The following FER1L5 variants were observed in gnomAD, a reference collection of about 807,000 sequenced individuals.
FER1L5 encodes fer-1 like family member 5, also known as fer-1-like protein 5.
Under a neutral mutation model 279.9 loss-of-function variants are expected in FER1L5, and 187 were observed. The observed-to-expected ratio is 0.67, with a 90% CI of 0.59 to 0.75. The LOEUF is 0.75. Among genes scored for constraint, FER1L5 ranks in the 30% least tolerant of loss-of-function variants. The pLI, the probability that FER1L5 is intolerant of heterozygous loss-of-function variation, is 0.00. For synonymous variants in FER1L5, 921 were observed against 989.7 expected (o/e 0.93, Z 1.30); for missense variants, 2,091 against 2,594.4 (o/e 0.81, Z 4.21).
intron 30 of FER1L5, 39 bp from the exon 31 acceptor site, chr2:96,692,065 T>C (rs1430397725): frequency 6.5e-7 from 1 of 1,542,228 alleles, no homozygotes; most frequent in Non-Finnish European, 8.7e-7. Flanking sequence ...GCCGCTGGGG[T>C]CCTGGGGCAG....
intron 44 of FER1L5, 34 bp from the exon 45 acceptor site, chr2:96,700,298 C>A (rs747456714): frequency 6.2e-7 from 1 of 1,609,118 alleles, no homozygotes; most frequent in Non-Finnish European, 8.5e-7. Flanking sequence ...CTAATGACCT[C>A]GCAATCCCCT....
intron 19 of FER1L5, among the ~76,000 whole-genome samples, chr2:96,684,031 C>T (rs1311388557): frequency 2.0e-5 from 3 of 152,226 alleles, no homozygotes; most frequent in Admixed American, 6.5e-5. Context: ...GCGTTATGAC[C>T]GCCTGGCTAT....
intron 19 of FER1L5, among the ~76,000 whole-genome samples, chr2:96,684,022 C>T (rs1200504269): frequency 1.3e-5 from 2 of 152,216 alleles, no homozygotes; most frequent in South Asian, 2.1e-4. Flanking sequence ...TAGGCGCCTG[C>T]GTTATGACCG....
intron 18 of FER1L5, 68 bp from the exon 19 acceptor site, chr2:96,673,009 C>G: frequency 6.7e-7 from 1 of 1,494,700 alleles, no homozygotes; most frequent in Non-Finnish European, 9.0e-7. Flanking sequence ...ATCCTTGCCT[C>G]CCTGCCTGTC....
At chr2:96,663,150 CAT>C (rs1198805230) in intron 13 of FER1L5, among the ~76,000 whole-genome samples, 1 of 152,188 alleles carries the variant, frequency 6.6e-6, no homozygotes, top group Non-Finnish European at 1.5e-5. Context: ...TCTATACACT[CAT>C]ATAGTAAGGT....
rs2106450665 is a variant in FER1L5, at chr2:96,651,933, C to T, written c.546C>T (p.Asn182=). 1 of 1,552,022 alleles carries T rather than the reference C, an allele frequency of 6.4e-7. No individual in the cohort carries two copies. Among genetic ancestry groups the T allele is most frequent in the Middle Eastern group, 1.7e-4 (1 of 5,992 alleles). ...KVFEARQLMG[N]NIKPVVKVSI... The stretch of plus-strand genomic sequence containing the variant: ...TTGAAGCCCGACAGCTCATGGGCAA[C>T]AACATCAAACCAGTGGTGAAGGTGT... The change falls in exon 7 of 53, where the codon AAC becomes AAT. Residue 182 remains asparagine (N), a synonymous_variant. Coordinates refer to ENST00000624922, the MANE Select transcript of FER1L5 (RefSeq NM_001293083.2).
At chr2:96,681,777 T>TTTA (rs2076737436) in intron 19 of FER1L5, among the ~76,000 whole-genome samples, 1 of 117,432 alleles carries the variant, frequency 8.5e-6, no homozygotes, top group Non-Finnish European at 1.6e-5. Flanking sequence ...GATTATTTTA[T>TTTA]TTATTTATTT....
chr2:96,668,667 G>A (rs544857537), intron 14 of FER1L5, 84 bp from the exon 15 acceptor site: 28 of 1,490,574 alleles, frequency 1.9e-5, no homozygotes, highest in East Asian at 2.5e-5. Context: ...CCAGACCCGC[G>A]ACTCCCTACC....
chr2:96,659,366 TTTC>T (rs2075788838), intron 9 of FER1L5, among the ~76,000 whole-genome samples: 2 of 15,552 alleles, frequency 1.3e-4, no homozygotes, highest in African/African-American at 3.8e-4. Context: ...TCCTTCCTTC[TTTC>T]TTTCTTTCTT....
chr2:96,650,377 T>C, intron 6 of FER1L5, 88 bp downstream of exon 6: 1 of 1,122,646 alleles, frequency 8.9e-7, no homozygotes, highest in Non-Finnish European at 1.3e-6. Context: ...CTCCCCAAGG[T>C]CATGGTAGAA....
In FER1L5 at chr2:96,683,004, T is replaced by C. The variant is rs115610817; in HGVS notation, c.1670-1323T>C. On this transcript the variant is annotated intron_variant, in intron 19 of 52. Coordinates refer to ENST00000624922, the MANE Select transcript of FER1L5 (RefSeq NM_001293083.2). ...AATGCCAACATCCGTGAGGCCCCACTTGCTACAACTTTTGGGGAAGATTTT... is the reference window on the plus strand; with the variant it reads ...AATGCCAACATCCGTGAGGCCCCACCTGCTACAACTTTTGGGGAAGATTTT... Among the ~76,000 whole-genome samples the C allele has an allele frequency of 2.9e-3, 434 of 152,266 alleles. 3 individuals are homozygous for C. The highest frequency in any genetic ancestry group is 1.0e-2 in the African/African-American group (415 of 41,562).
At position 96,691,423 on chromosome 2, in the gene FER1L5, C is replaced by T. The variant is rs1416286489; in HGVS notation, c.2908-22C>T. On this transcript the variant is annotated intron_variant, in intron 28 of 52. Coordinates refer to ENST00000624922, the MANE Select transcript of FER1L5 (RefSeq NM_001293083.2). This position sits in a 1 kb window ranked among gnomAD's most constrained non-coding sequence, Gnocchi z 6.0. Reference sequence around the variant, plus strand: ...GCCTTGGCTGCTGCAGGAACACAACCCTGCTCTCCTCCCCACCACAGGGCC... The same window carrying T: ...GCCTTGGCTGCTGCAGGAACACAACTCTGCTCTCCTCCCCACCACAGGGCC... 2 of 1,535,618 alleles carry T rather than the reference C, an allele frequency of 1.3e-6. No homozygotes were observed. The highest frequency in any genetic ancestry group is 1.2e-5 in the South Asian group (1 of 82,426).
Position 96,693,492 on chromosome 2 carries a change from CTCT to C in FER1L5, c.3293-13_3293-11del, listed in dbSNP as rs779332270. 4.7e-5 allele frequency: 73 copies of C among 1,548,134 alleles called. No individual in the cohort carries two copies. The highest frequency in any genetic ancestry group is 5.9e-5 in the Admixed American group (3 of 50,650). On this transcript the variant is annotated splice_polypyrimidine_tract_variant and intron_variant, in intron 31 of 52. Transcript: ENST00000624922. ...CAGCTCAAGACACTGCTACCTTCTC[CTCT>C]ACCCCTCCAGGGCCCTTCATTCGGG... is the stretch of plus-strand genomic sequence containing the variant.
rs930998744 is a variant in FER1L5, at chr2:96,661,632, A to G, written c.895-36A>G. The G allele has an allele frequency of 1.2e-5, 18 of 1,551,098 alleles. No homozygotes were observed. The Admixed American group carries it at 2.7e-4, about 24-fold the overall frequency. On this transcript the variant is annotated intron_variant, in intron 11 of 52. Transcript: ENST00000624922. ...TGGTGTCCTTGCCTGTGACCTCCCC[A>G]TTACCTTGACTATATCAGCTCTCTG...
Position 96,699,138 on chromosome 2 carries a change from T to C in FER1L5, c.4610+2T>C. On this transcript the variant is annotated splice_donor_variant, in intron 42 of 52. Transcript: ENST00000624922. LOFTEE classifies it high-confidence loss of function. ...CACTCTGGATCCCATCTTTGGCATGTGAGCTGCCCCAACCCCCAAGACCCC... is the reference window on the plus strand; with the variant it reads ...CACTCTGGATCCCATCTTTGGCATGCGAGCTGCCCCAACCCCCAAGACCCC... 1 of 1,605,412 alleles carries C rather than the reference T, an allele frequency of 6.2e-7. No homozygotes were observed. Among genetic ancestry groups the C allele is most frequent in the Non-Finnish European group, 8.5e-7 (1 of 1,176,008 alleles).
In FER1L5 at chr2:96,694,001, C is replaced by A. The variant is rs1222175777; in HGVS notation, c.3565C>A (p.Pro1189Thr). 1.9e-6 allele frequency: 3 copies of A among 1,551,172 alleles called. No homozygotes were observed. Among genetic ancestry groups the A allele is most frequent in the Admixed American group, 2.0e-5 (1 of 50,978 alleles). The change falls in exon 33 of 53, where the codon CCC (proline) becomes ACC (threonine). Residue 1189 changes from proline (P) to threonine (T), a missense_variant. Coordinates refer to ENST00000624922, the MANE Select transcript of FER1L5 (RefSeq NM_001293083.2). This position sits in a 1 kb window ranked among gnomAD's most constrained non-coding sequence, Gnocchi z 4.6. ...DRILPPMRWH[P>T]LVKELGKEEG... ...GATCCTGCCCCCCATGAGGTGGCAT[C>A]CCCTTGTAAAGGAGTTGGGGAAGGA...
chr2:96,693,161 C>T (rs1453593471), intron 31 of FER1L5, among the ~76,000 whole-genome samples: 3 of 147,498 alleles, frequency 2.0e-5, no homozygotes, highest in Non-Finnish European at 3.0e-5. Context: ...GGCGAAAGAG[C>T]GAAACTCTGA....
chr2:96,647,048 T>C lies in FER1L5; in HGVS notation c.139-16T>C. ...AGGGCAGAGGGAGGATGCTGACCTC[T>C]CTATGCCCCCCACAGACCCTAATCT... On this transcript the variant is annotated splice_polypyrimidine_tract_variant and intron_variant, in intron 2 of 52. Coordinates refer to ENST00000624922, the MANE Select transcript of FER1L5 (RefSeq NM_001293083.2). The C allele has an allele frequency of 6.4e-7, 1 of 1,550,892 alleles. No homozygotes were observed. The highest frequency in any genetic ancestry group is 8.7e-7 in the Non-Finnish European group (1 of 1,146,406).
At chr2:96,681,806 T>C (rs2076739042) in intron 19 of FER1L5, among the ~76,000 whole-genome samples, 2 of 150,858 alleles carry the variant, frequency 1.3e-5, no homozygotes, top group African/African-American at 5.0e-5. Flanking sequence ...ATTTATTTAT[T>C]TGAGAAGGAG....
Sources: gnomAD v4.1 joint callset for allele counts (sites outside exome capture counted in the v4.1 genomes callset) on GRCh38, gnomAD v4.1.1 for gene constraint, Gnocchi (gnomAD v3.1) non-coding constraint, MANE v1.5 for transcripts, NCBI Gene and HGNC (gene_info 2026-07-23, HGNC 2026-07-21) for gene names.